BTBD9: variants seen among roughly 807,000 people sequenced by gnomAD.
BTBD9 encodes BTB domain containing 9.
A neutral mutation model predicts 64.3 loss-of-function variants in BTBD9; 49 were observed. The ratio of observed to expected loss-of-function variants is 0.76; its 90% CI spans 0.61 to 0.97. BTBD9 has a LOEUF of 0.97. Ranked by LOEUF, BTBD9 falls within the 50% of genes least tolerant of loss-of-function variation. The pLI is 0.00. For synonymous variants in BTBD9, 260 were observed against 274.7 expected (o/e 0.95, Z 0.53); for missense variants, 598 against 762.1 (o/e 0.78, Z 2.53).
At chr6:38,550,086 T>C (rs1260009926) in intron 6 of BTBD9, among the ~76,000 whole-genome samples, 1 of 152,202 alleles carries the variant, frequency 6.6e-6, no homozygotes, top group African/African-American at 2.4e-5. Context: ...TAAATTTATG[T>C]ATCCAGCGCA....
At chr6:38,332,530 C>T (rs1763719746) in intron 7 of BTBD9, among the ~76,000 whole-genome samples, 1 of 152,066 alleles carries the variant, frequency 6.6e-6, no homozygotes, top group Admixed American at 6.5e-5. Flanking sequence ...GCATTAATGC[C>T]ACATTACTAT....
intron 7 of BTBD9, among the ~76,000 whole-genome samples, chr6:38,296,222 A>G (rs1762155158): frequency 6.6e-6 from 1 of 151,456 alleles, no homozygotes; most frequent in Non-Finnish European, 1.5e-5. Context: ...TTACATTGTC[A>G]TATATTCTTG....
Position 38,174,922 on chromosome 6 carries a change from G to T in BTBD9, c.*63C>A. 6.3e-7 allele frequency: 1 copy of T among 1,584,448 alleles called. No homozygotes were observed. ...GGCAGTCAACAGAGACCCCTGCTCA[G>T]GGAGGAGACCGTTTCCTGCCGTTGC... On this transcript the variant is annotated 3_prime_UTR_variant, in exon 11 of 11. Coordinates refer to ENST00000481247, the MANE Select transcript of BTBD9 (RefSeq NM_001099272.2).
rs537573095 is a variant in BTBD9, at chr6:38,415,826, C to T, written c.1155-70733G>A. 2.6e-5 allele frequency among the ~76,000 whole-genome samples: 4 copies of T among 151,916 alleles called. No individual in the cohort carries two copies. In the South Asian group the frequency reaches 6.3e-4, roughly 24 times the overall value. On this transcript the variant is annotated intron_variant, in intron 6 of 10. Coordinates refer to ENST00000481247, the MANE Select transcript of BTBD9 (RefSeq NM_001099272.2). Reference sequence around the variant, plus strand: ...TCTCCATTCCTATCCACTGATCCTCCATTCTTGCTAGGCTGCCCAGGCTGC... The same window carrying T: ...TCTCCATTCCTATCCACTGATCCTCTATTCTTGCTAGGCTGCCCAGGCTGC...
intron 6 of BTBD9, among the ~76,000 whole-genome samples, chr6:38,364,418 A>C (rs1466726771): frequency 6.6e-6 from 1 of 152,242 alleles, no homozygotes; most frequent in Non-Finnish European, 1.5e-5. Flanking sequence ...ACACAAAAAC[A>C]GACAGAAAAT....
In BTBD9 at chr6:38,171,689, G is replaced by C. The variant is rs995683110; in HGVS notation, c.*3296C>G. 6.7e-6 allele frequency: 1 copy of C among 150,218 alleles called. No individual in the cohort carries two copies. Among genetic ancestry groups the C allele is most frequent in the Admixed American group, 6.7e-5 (1 of 15,026 alleles). The allele number at this position is 150,218 out of a possible 1,614,324, so 9.3% of individuals were successfully genotyped here. A position where few individuals can be genotyped will look rare whatever the true frequency, so the allele number is the denominator to read the frequency against. On this transcript the variant is annotated 3_prime_UTR_variant, in exon 11 of 11. Coordinates refer to ENST00000481247, the MANE Select transcript of BTBD9 (RefSeq NM_001099272.2). ...ACAACGGCTCCTGTGAGACTGCCCT[G>C]CTGGGTGCTGGCTGCATGGACACAG...
chr6:38,170,674 C>G lies in BTBD9; in HGVS notation c.*4311G>C, dbSNP rs1489898336. The G allele has an allele frequency of 3.3e-5, 5 of 152,312 alleles. No homozygotes were observed. In the East Asian group the frequency reaches 5.8e-4, roughly 18 times the overall value. 9.4% of individuals were successfully genotyped at this position (152,312 alleles called of 1,614,324 possible). ...TCTTCTGGAAACTCTGAGCAAACAC[C>G]AGGCACTAGGACAACTTCTAATTTA... On this transcript the variant is annotated 3_prime_UTR_variant, in exon 11 of 11. Coordinates refer to ENST00000481247, the MANE Select transcript of BTBD9 (RefSeq NM_001099272.2).
At chr6:38,240,290 T>C (rs186588471) in intron 9 of BTBD9, among the ~76,000 whole-genome samples, 2 of 152,326 alleles carry the variant, frequency 1.3e-5, no homozygotes, top group African/African-American at 4.8e-5. Flanking sequence ...AATGCCTCTA[T>C]TTGCATTGGG....
intron 7 of BTBD9, among the ~76,000 whole-genome samples, chr6:38,330,325 T>C (rs529804911): frequency 6.6e-6 from 1 of 152,350 alleles, no homozygotes; most frequent in African/African-American, 2.4e-5. Flanking sequence ...AGTGCTGTGA[T>C]TACAGGTGTG....
intron 8 of BTBD9, among the ~76,000 whole-genome samples, chr6:38,282,578 T>C (rs573379233): frequency 1.7e-4 from 26 of 152,222 alleles, no homozygotes; most frequent in Non-Finnish European, 3.8e-4. Flanking sequence ...TGGGTGGTGG[T>C]GGCGGGGTGG....
In BTBD9 at chr6:38,578,563, G is replaced by T. The variant is rs77981549; in HGVS notation, c.1035-844C>A. Among the ~76,000 whole-genome samples the T allele has an allele frequency of 6.3e-3, 958 of 152,244 alleles. 9 individuals carry two copies. The highest frequency in any genetic ancestry group is 0.022 in the African/African-American group (898 of 41,552). ...CAACCCACAGTTGTGACCAGAAAAG[G>T]TCAGCTTATTTTGTGTCATCCCCTC... is the stretch of plus-strand genomic sequence containing the variant. On this transcript the variant is annotated intron_variant, in intron 5 of 10. Transcript: ENST00000481247.
intron 6 of BTBD9, among the ~76,000 whole-genome samples, chr6:38,427,482 G>T (rs1297532802): frequency 6.6e-6 from 1 of 151,994 alleles, no homozygotes; most frequent in East Asian, 1.9e-4. Context: ...GCACCAGGGA[G>T]CTGGAGCAAC....
At chr6:38,305,208 A>C (rs2127566963) in intron 7 of BTBD9, among the ~76,000 whole-genome samples, 1 of 152,324 alleles carries the variant, frequency 6.6e-6, no homozygotes, top group East Asian at 1.9e-4. Flanking sequence ...AAGTTTTCTT[A>C]GAAAAGTAAA....
chr6:38,208,351 C>T lies in BTBD9; in HGVS notation c.1563-15754G>A, dbSNP rs55648446. Among the ~76,000 whole-genome samples, 1,236 of 152,296 alleles carry T rather than the reference C, an allele frequency of 8.1e-3. 4 individuals carry two copies. Among genetic ancestry groups the T allele is most frequent in the Middle Eastern group, 0.017 (5 of 294 alleles). The stretch of plus-strand genomic sequence containing the variant: ...CCACTGTCCCTCCAAGCATGCTGCT[C>T]TTATTGTCTGGCGCATTGTAGTGAT... On this transcript the variant is annotated intron_variant, in intron 9 of 10. Transcript: ENST00000481247.
chr6:38,368,791 T>G (rs573350309), intron 6 of BTBD9, among the ~76,000 whole-genome samples: 1 of 152,194 alleles, frequency 6.6e-6, no homozygotes, highest in Non-Finnish European at 1.5e-5. Context: ...TAAGGGTCCC[T>G]GCTCTGCATG....
rs1766870113 is a variant in BTBD9, at chr6:38,173,284, A to G, written c.*1701T>C. ...CCGTTCCTTACAGGAGCCTCCTCCC[A>G]TTATGAAATGCCTGGCATCCCAGGA... On this transcript the variant is annotated 3_prime_UTR_variant, in exon 11 of 11. Transcript: ENST00000481247. 6.6e-6 allele frequency: 1 copy of G among 152,238 alleles called. No homozygotes were observed. The highest frequency in any genetic ancestry group is 2.4e-5 in the African/African-American group (1 of 41,456). 9.4% of individuals were successfully genotyped at this position (152,238 alleles called of 1,614,324 possible).
chr6:38,247,573 G>A (rs1442458595), intron 9 of BTBD9, among the ~76,000 whole-genome samples: 1 of 152,208 alleles, frequency 6.6e-6, no homozygotes, highest in Non-Finnish European at 1.5e-5. Flanking sequence ...CTGCTCCAAG[G>A]AGGTGCTCTA....
At chr6:38,567,780 C>T (rs1342745549) in intron 6 of BTBD9, among the ~76,000 whole-genome samples, 1 of 152,166 alleles carries the variant, frequency 6.6e-6, no homozygotes, top group Non-Finnish European at 1.5e-5. Context: ...ACTGAGAAAG[C>T]TCTGATGATT....
chr6:38,259,254 A>G (rs1322003898), intron 8 of BTBD9, among the ~76,000 whole-genome samples: 2 of 152,242 alleles, frequency 1.3e-5, no homozygotes, highest in South Asian at 4.1e-4. Flanking sequence ...ATCACTCTAT[A>G]AAAGTAGCTT....
Sources: allele counts gnomAD v4.1 joint callset (sites outside exome capture counted in the v4.1 genomes callset), GRCh38; gene constraint gnomAD v4.1.1; transcripts MANE v1.5; gene names NCBI Gene and HGNC (gene_info 2026-07-23, HGNC 2026-07-21).